AUH: variants seen among roughly 807,000 people sequenced by gnomAD.
AUH encodes methylglutaconyl-CoA hydratase, mitochondrial.
In AUH, 29 loss-of-function variants were observed where a neutral mutation model predicts 42.3. The ratio of observed to expected loss-of-function variants is 0.69; its 90% CI spans 0.51 to 0.93. The LOEUF is 0.93. AUH is among the 40% of genes least tolerant of loss of function. AUH has a pLI of 0.00. For missense variants in AUH, 452 were observed against 438.1 expected, an observed-to-expected ratio of 1.03 and a Z score of -0.28; for synonymous variants, 174 against 166.4, an observed-to-expected ratio of 1.05 and a Z score of -0.35.
chr9:91,243,547 T>C (rs57231133), intron 6 of AUH, among the ~76,000 whole-genome samples: 3,895 of 152,276 alleles, frequency 0.026, 80 homozygotes, highest in East Asian at 0.059. Flanking sequence ...CGCTTTCTAT[T>C]CTCTGTGCTG....
intron 3 of AUH, among the ~76,000 whole-genome samples, chr9:91,353,665 C>T (rs1715881542): frequency 6.6e-6 from 1 of 151,754 alleles, no homozygotes; most frequent in South Asian, 2.1e-4. Flanking sequence ...CAGTGAAACC[C>T]TGTCTCTACT....
intron 6 of AUH, among the ~76,000 whole-genome samples, chr9:91,268,367 T>G (rs1183648599): frequency 6.6e-6 from 1 of 152,002 alleles, no homozygotes; most frequent in Non-Finnish European, 1.5e-5. Flanking sequence ...AAATTTAAAG[T>G]GTTTGCAGCC....
In AUH at chr9:91,326,389, A is replaced by C. The variant is rs1164168947; in HGVS notation, c.419-985T>G. Among the ~76,000 whole-genome samples the C allele has an allele frequency of 2.0e-5, 3 of 152,292 alleles. No individual in the cohort carries two copies. In the East Asian group the frequency reaches 5.8e-4, roughly 29 times the overall value. ...CTCAAATACCCAAGAAAATATGTAC[A>C]ATAAAATTCAAGGGAGCATACAAAG... On this transcript the variant is annotated intron_variant, in intron 3 of 9. Transcript: ENST00000375731.
intron 4 of AUH, among the ~76,000 whole-genome samples, chr9:91,312,844 G>A (rs1167058673): frequency 3.9e-5 from 6 of 152,220 alleles, no homozygotes. Flanking sequence ...TGTATAGGAA[G>A]CAGGCCCGTA....
At chr9:91,250,006 G>C (rs1263083661) in intron 6 of AUH, among the ~76,000 whole-genome samples, 1 of 136,330 alleles carries the variant, frequency 7.3e-6, no homozygotes, top group Non-Finnish European at 1.5e-5. Context: ...GTGAGACTCC[G>C]TCTCAAGAAA....
At chr9:91,255,353 G>A (rs971013363) in intron 6 of AUH, among the ~76,000 whole-genome samples, 23 of 152,196 alleles carry the variant, frequency 1.5e-4, no homozygotes, top group Middle Eastern at 3.4e-3. Flanking sequence ...ATGTTATATC[G>A]TCCCGAAGGA....
chr9:91,218,921 A>G (rs1826973973), intron 7 of AUH: 5 of 985,234 alleles, frequency 5.1e-6, no homozygotes, highest in Admixed American at 6.1e-5. Context: ...GTAACTCAAC[A>G]TCTTCTTATA....
At chr9:91,314,025 T>G (rs1233894951) in intron 4 of AUH, among the ~76,000 whole-genome samples, 1 of 151,950 alleles carries the variant, frequency 6.6e-6, no homozygotes, top group Admixed American at 6.5e-5. Context: ...GGGTTCACCA[T>G]GTTGGCAAGG....
chr9:91,353,984 T>C (rs1388584851), intron 3 of AUH, among the ~76,000 whole-genome samples: 1 of 150,322 alleles, frequency 6.7e-6, no homozygotes, highest in Non-Finnish European at 1.5e-5. Flanking sequence ...CTGGCCAACA[T>C]GTTGAAACCC....
intron 4 of AUH, among the ~76,000 whole-genome samples, chr9:91,321,291 A>T (rs2131834671): frequency 6.6e-6 from 1 of 152,310 alleles, no homozygotes; most frequent in South Asian, 2.1e-4. Flanking sequence ...TACTTGACTT[A>T]TTTCAACATC....
At chr9:91,296,385 G>A (rs1220292099) in intron 5 of AUH, among the ~76,000 whole-genome samples, 1 of 152,120 alleles carries the variant, frequency 6.6e-6, no homozygotes, top group African/African-American at 2.4e-5. Context: ...TGGAGGCATA[G>A]ATCTATTAAT....
At chr9:91,335,810 T>TAA (rs1386463245) in intron 3 of AUH, among the ~76,000 whole-genome samples, 1 of 152,220 alleles carries the variant, frequency 6.6e-6, no homozygotes, top group Non-Finnish European at 1.5e-5. Flanking sequence ...TTTTTCTAAT[T>TAA]ACGTTTTTTG....
At chr9:91,268,581 C>A (rs1824847866) in intron 6 of AUH, among the ~76,000 whole-genome samples, 1 of 152,140 alleles carries the variant, frequency 6.6e-6, no homozygotes, top group Non-Finnish European at 1.5e-5. Flanking sequence ...CAGGCGCACG[C>A]TGCCACATCC....
chr9:91,333,596 ATGAG>A (rs1240596217), intron 3 of AUH, among the ~76,000 whole-genome samples: 1 of 152,214 alleles, frequency 6.6e-6, no homozygotes, highest in African/African-American at 2.4e-5. Context: ...ATATTCATGA[ATGAG>A]TATTATTTAC....
chr9:91,310,115 G>A lies in AUH; in HGVS notation c.506-12039C>T, dbSNP rs116511075. On this transcript the variant is annotated intron_variant, in intron 4 of 9. Coordinates refer to ENST00000375731, the MANE Select transcript of AUH (RefSeq NM_001698.3). ...TTCACATATCAAACTTGGGACTCCT[G>A]AGCGAGACCTTCCATCCCAATCTAG... 3.0e-3 allele frequency among the ~76,000 whole-genome samples: 459 copies of A among 152,238 alleles called. 4 individuals carry two copies. Among genetic ancestry groups the A allele is most frequent in the African/African-American group, 0.011 (438 of 41,532 alleles).
chr9:91,327,861 G>C (rs932577098), intron 3 of AUH, among the ~76,000 whole-genome samples: 5 of 152,222 alleles, frequency 3.3e-5, no homozygotes, highest in South Asian at 2.1e-4. Context: ...TTATCTCTGA[G>C]TTTTTGGGTG....
intron 3 of AUH, among the ~76,000 whole-genome samples, chr9:91,332,207 C>T (rs1830376939): frequency 6.6e-6 from 1 of 152,092 alleles, no homozygotes; most frequent in South Asian, 2.1e-4. Context: ...TAAAACATAC[C>T]GCATTTAAAA....
chr9:91,347,728 A>G (rs1831633494), intron 3 of AUH, among the ~76,000 whole-genome samples: 1 of 152,188 alleles, frequency 6.6e-6, no homozygotes, highest in Admixed American at 6.5e-5. Flanking sequence ...TATAAGATAT[A>G]AAAACTACAA....
At chr9:91,279,190 T>G (rs911386590) in intron 6 of AUH, among the ~76,000 whole-genome samples, 5 of 152,124 alleles carry the variant, frequency 3.3e-5, no homozygotes, top group Non-Finnish European at 5.9e-5. Flanking sequence ...ACAACAAAAA[T>G]AAAGTGTTAG....
Sources: allele counts gnomAD v4.1 joint callset (sites outside exome capture counted in the v4.1 genomes callset), GRCh38; gene constraint gnomAD v4.1.1; transcripts MANE v1.5; gene names NCBI Gene and HGNC (gene_info 2026-07-23, HGNC 2026-07-21).